Variants in STK11IP observed in about 807,000 individuals in gnomAD.
STK11IP encodes serine/threonine kinase 11 interacting protein, also known as serine/threonine-protein kinase 11-interacting protein.
STK11IP carries 103 observed loss-of-function variants against 131.7 expected under a neutral mutation model. The ratio of observed to expected loss-of-function variants is 0.78; its 90% CI spans 0.67 to 0.92. STK11IP has a LOEUF of 0.92. Among genes scored for constraint, STK11IP ranks in the 40% least tolerant of loss-of-function variants. The pLI is 0.00. For missense variants in STK11IP, 1,315 were observed against 1,385.7 expected, an observed-to-expected ratio of 0.95 and a Z score of 0.81; for synonymous variants, 557 against 575.6, an observed-to-expected ratio of 0.97 and a Z score of 0.46.
intron 24 of STK11IP, chr2:219,615,583 G>A (rs1035738779): frequency 1.2e-5 from 8 of 660,088 alleles, no homozygotes; most frequent in Middle Eastern, 4.1e-4. Context: ...ATTTAGCTGG[G>A]CCACGAGGCT....
In STK11IP at chr2:219,613,223, G is replaced by A. The variant is rs1238149380; in HGVS notation, c.2535G>A (p.Met845Ile). The change falls in exon 20 of 25, where the codon ATG becomes ATA. Residue 845 changes from methionine to isoleucine, a missense_variant and splice_region_variant. By Grantham distance (10) the Met-to-Ile change is conservative (BLOSUM62 1). Transcript: ENST00000456909. ...ACCTGTTGAAGGTGACTGGGGAGAT[G>A]CGGTGAGTGAGAGGGGAGATGCAGT... ...RLYLLKVTGE[M>I]REPPASWLQL... 6.3e-7 allele frequency: 1 copy of A among 1,589,950 alleles called. No individual in the cohort carries two copies. The highest frequency in any genetic ancestry group is 1.1e-5 in the South Asian group (1 of 90,612).
At chr2:219,614,933 A>G in intron 23 of STK11IP, 161 bp from the exon 24 acceptor site, 1 of 820,100 alleles carries the variant, frequency 1.2e-6, no homozygotes, top group Non-Finnish European at 1.9e-6. Context: ...AGATTCATGG[A>G]GCTTGGGAAA....
chr2:219,613,973 G>T, intron 21 of STK11IP, 43 bp downstream of exon 21: 1 of 1,499,010 alleles, frequency 6.7e-7, no homozygotes, highest in South Asian at 1.3e-5. Context: ...GCAGGAGGGT[G>T]GGCAGGGCCT....
chr2:219,608,770 G>C lies in STK11IP; in HGVS notation c.1791G>C (p.Gln597His), dbSNP rs1257658222. 6.2e-7 allele frequency: 1 copy of C among 1,607,360 alleles called. No homozygotes were observed. The highest frequency in any genetic ancestry group is 8.5e-7 in the Non-Finnish European group (1 of 1,177,608). The change falls in exon 15 of 25, where the codon CAG becomes CAC. Residue 597 changes from glutamine (Q) to histidine (H), a missense_variant. Transcript: ENST00000456909. Reference protein sequence around the residue: ...AAEIEPEAQAQRSPRPTGSDL... With the variant: ...AAEIEPEAQAHRSPRPTGSDL... ...AGATAGAGCCGGAGGCCCAGGCCCA[G>C]AGGTCGCCCAGGCCCACGGTGAGTG...
chr2:219,601,926 G>A, intron 4 of STK11IP, 62 bp from the exon 5 acceptor site: 2 of 1,432,648 alleles, frequency 1.4e-6, no homozygotes, highest in Non-Finnish European at 1.9e-6. Flanking sequence ...ACTAGGGGAT[G>A]GGGATGAGGT....
At chr2:219,611,552 GT>G in intron 17 of STK11IP, 51 bp from the exon 18 acceptor site, 1 of 1,439,494 alleles carries the variant, frequency 6.9e-7, no homozygotes, top group Non-Finnish European at 9.7e-7. Flanking sequence ...CATGGTGGGA[GT>G]TGTGGCACTG....
At position 219,614,564 on chromosome 2, in the gene STK11IP, C is replaced by G; in HGVS notation, c.2869+18C>G. The G allele has an allele frequency of 1.2e-6, 2 of 1,613,424 alleles. No homozygotes were observed. Among genetic ancestry groups the G allele is most frequent in the Non-Finnish European group, 1.7e-6 (2 of 1,179,550 alleles). On this transcript the variant is annotated intron_variant, in intron 23 of 24. Coordinates refer to ENST00000456909, the MANE Select transcript of STK11IP (RefSeq NM_052902.4). ...GGTTGAAGGTGAAGCCTCTGTGCAG[C>G]TGATGCTTCCCTGGTCTCTGTACCC...
At chr2:219,602,109 G>A in intron 5 of STK11IP, 26 bp downstream of exon 5, 1 of 1,515,398 alleles carries the variant, frequency 6.6e-7, no homozygotes, top group Non-Finnish European at 9.0e-7. Context: ...GGTGAGCTCA[G>A]ACACCTCAAC....
chr2:219,612,163 G>A (rs1574629712), intron 19 of STK11IP, 105 bp downstream of exon 19: 5 of 1,067,134 alleles, frequency 4.7e-6, no homozygotes, highest in East Asian at 5.2e-5. Flanking sequence ...ACCTGATCTG[G>A]CTTCTGGTTT....
intron 13 of STK11IP, among the ~76,000 whole-genome samples, chr2:219,607,820 C>T (rs1698242330): frequency 6.6e-6 from 1 of 152,178 alleles, no homozygotes; most frequent in Non-Finnish European, 1.5e-5. Flanking sequence ...ATCATGTATG[C>T]TGAGTCTCTG....
chr2:219,601,129 C>T, intron 2 of STK11IP, 106 bp from the exon 3 acceptor site: 2 of 841,176 alleles, frequency 2.4e-6, no homozygotes, highest in South Asian at 3.6e-5. Flanking sequence ...AATAGAAGAT[C>T]TACAATATGG....
chr2:219,611,554 T>G (rs1295045220), intron 17 of STK11IP, 50 bp from the exon 18 acceptor site: 1 of 1,445,626 alleles, frequency 6.9e-7, no homozygotes, highest in Non-Finnish European at 9.7e-7. Context: ...TGGTGGGAGT[T>G]GTGGCACTGT....
intron 19 of STK11IP, 119 bp from the exon 20 acceptor site, chr2:219,613,009 G>T: frequency 1.4e-6 from 1 of 697,344 alleles, no homozygotes; most frequent in South Asian, 1.7e-5. Flanking sequence ...TCCATAGACT[G>T]GTGGGTGGGC....
intron 23 of STK11IP, 27 bp downstream of exon 23, chr2:219,614,573 C>T (rs1261408421): frequency 1.2e-6 from 2 of 1,612,646 alleles, no homozygotes; most frequent in East Asian, 2.2e-5. Context: ...GCTGATGCTT[C>T]CCTGGTCTCT....
intron 17 of STK11IP, 63 bp downstream of exon 17, chr2:219,609,603 T>C: frequency 6.5e-7 from 1 of 1,542,428 alleles, no homozygotes; most frequent in Non-Finnish European, 8.8e-7. Context: ...AAAGTGGCTC[T>C]GTGTAGGGGA....
Position 219,608,030 on chromosome 2 carries a change from GT to G in STK11IP, c.1220-15del, listed in dbSNP as rs1160834981. On this transcript the variant is annotated splice_polypyrimidine_tract_variant and intron_variant, in intron 13 of 24. Coordinates refer to ENST00000456909, the MANE Select transcript of STK11IP (RefSeq NM_052902.4). ...GTGGGGCAGGCTTGCTCAGTTCTGG[GT>G]TCCCCTCCTGCCTAGGATGGTTCGT... is the stretch of plus-strand genomic sequence containing the variant. 1 of 1,604,966 alleles carries G rather than the reference GT, an allele frequency of 6.2e-7. No individual in the cohort carries two copies. The highest frequency in any genetic ancestry group is 8.5e-7 in the Non-Finnish European group (1 of 1,175,278).
intron 24 of STK11IP, 46 bp from the exon 25 acceptor site, chr2:219,615,998 G>T: frequency 1.2e-6 from 2 of 1,602,890 alleles, no homozygotes; most frequent in Non-Finnish European, 1.7e-6. Context: ...ACCCACCCTG[G>T]TGTGGTCCCC....
At chr2:219,609,663 T>C (rs1196145024) in intron 17 of STK11IP, 123 bp downstream of exon 17, 4 of 1,174,388 alleles carry the variant, frequency 3.4e-6, no homozygotes, top group South Asian at 2.7e-5. Flanking sequence ...AGAGCAGTTG[T>C]TCTGCCTGGA....
chr2:219,606,558 C>T (rs765203195), intron 11 of STK11IP, 41 bp downstream of exon 11: 30 of 1,611,670 alleles, frequency 1.9e-5, no homozygotes, highest in Middle Eastern at 3.3e-4. Flanking sequence ...GGGGAAGACA[C>T]GAAGGGAGGG....
Sources: allele counts gnomAD v4.1 joint callset (sites outside exome capture counted in the v4.1 genomes callset), GRCh38; gene constraint gnomAD v4.1.1; transcripts MANE v1.5; gene names NCBI Gene and HGNC (gene_info 2026-07-23, HGNC 2026-07-21).